The following SCN8A variants were observed in gnomAD, a reference collection of about 807,000 sequenced individuals.
SCN8A encodes sodium voltage-gated channel alpha subunit 8.
SCN8A carries 30 observed loss-of-function variants against 184.1 expected under a neutral mutation model. The observed-to-expected ratio is 0.16, with a 90% CI of 0.12 to 0.22. The LOEUF (loss-of-function observed/expected upper bound fraction) is 0.22, where lower values mean the gene tolerates loss of function less well. Ranked by LOEUF, SCN8A falls within the 10% of genes least tolerant of loss-of-function variation. SCN8A has a pLI of 1.00. For synonymous variants in SCN8A, 852 were observed against 907.0 expected (o/e 0.94, Z 1.09); for missense variants, 1,057 against 2,498.9 (o/e 0.42, Z 12.30).
chr12:51,690,786 A>G (rs1941493444), intron 6 of SCN8A, among the ~76,000 whole-genome samples: 1 of 152,220 alleles, frequency 6.6e-6, no homozygotes, highest in Admixed American at 6.5e-5. Context: ...AAGAAGGTAA[A>G]TTCATCTTCA....
intron 1 of SCN8A, among the ~76,000 whole-genome samples, chr12:51,602,841 T>G (rs964985638): frequency 1.4e-4 from 21 of 152,172 alleles, no homozygotes; most frequent in African/African-American, 5.1e-4. Context: ...TACAGCCAAA[T>G]AAACCACTAC....
chr12:51,712,476 T>C, intron 11 of SCN8A: 1 of 768,692 alleles, frequency 1.3e-6, no homozygotes, highest in South Asian at 1.3e-5. Flanking sequence ...AACCTTCTGC[T>C]ACTATATCCA....
intron 5 of SCN8A, 119 bp from the exon 6 acceptor site, chr12:51,688,886 A>G: frequency 6.4e-7 from 1 of 1,563,842 alleles, no homozygotes; most frequent in South Asian, 1.1e-5. Flanking sequence ...GTGTTGGGAT[A>G]GGGCCCTGAC....
intron 5 of SCN8A, chr12:51,688,719 G>A (rs1288082694): frequency 2.1e-6 from 3 of 1,446,382 alleles, no homozygotes; most frequent in Non-Finnish European, 2.9e-6. Context: ...CCCTCGCCCA[G>A]TGGTACCATT....
In SCN8A at chr12:51,628,076, G is replaced by A. The variant is rs144515542; in HGVS notation, c.-54-34688G>A. 3.3e-5 allele frequency among the ~76,000 whole-genome samples: 5 copies of A among 152,330 alleles called. No homozygotes were observed. The East Asian group carries it at 9.7e-4, about 29-fold the overall frequency. On this transcript the variant is annotated intron_variant, in intron 1 of 26. Transcript: ENST00000627620. Reference sequence around the variant, plus strand: ...TGGAGTTGATAAAAAGGACTTGATAGAAGGTTCAAGGGAGATCCTGACACA... The same window carrying A: ...TGGAGTTGATAAAAAGGACTTGATAAAAGGTTCAAGGGAGATCCTGACACA...
At chr12:51,734,359 G>A (rs987777131) in intron 12 of SCN8A, among the ~76,000 whole-genome samples, 2 of 152,170 alleles carry the variant, frequency 1.3e-5, no homozygotes, top group Non-Finnish European at 2.9e-5. Flanking sequence ...TTTATTAGTA[G>A]CAAACCAGTC....
At chr12:51,709,680 C>G (rs1417954982) in intron 11 of SCN8A, among the ~76,000 whole-genome samples, 3 of 151,808 alleles carry the variant, frequency 2.0e-5, no homozygotes, top group East Asian at 3.9e-4. Flanking sequence ...ATCCCAGCTT[C>G]TTTAAAGAGT....
intron 1 of SCN8A, among the ~76,000 whole-genome samples, chr12:51,617,750 G>A (rs1939872123): frequency 6.6e-6 from 1 of 152,146 alleles, no homozygotes; most frequent in African/African-American, 2.4e-5. Context: ...GTTTTAGCAG[G>A]CAATCCAGTT....
intron 14 of SCN8A, among the ~76,000 whole-genome samples, chr12:51,761,495 T>C (rs1942762071): frequency 6.6e-6 from 1 of 151,430 alleles, no homozygotes. Flanking sequence ...ATTTATTTAT[T>C]TGATAGGGCT....
At chr12:51,734,529 G>A (rs1944150962) in intron 12 of SCN8A, among the ~76,000 whole-genome samples, 1 of 152,254 alleles carries the variant, frequency 6.6e-6, no homozygotes, top group Non-Finnish European at 1.5e-5. Context: ...GCTTAAGAAT[G>A]CCTTTAAGCG....
In SCN8A at chr12:51,806,970, G is replaced by A; in HGVS notation, c.5484G>A (p.Glu1828=). The part of the protein sequence containing the change: ...PLRVPKPNTI[E]LIAMDLPMVS... The stretch of plus-strand genomic sequence containing the variant: ...GAGTGCCCAAGCCCAATACCATTGA[G>A]CTCATCGCTATGGATCTGCCAATGG... The change falls in exon 27 of 27, where the codon GAG becomes GAA. Residue 1828 remains glutamate (E), a synonymous_variant. Transcript: ENST00000627620. This position sits in a 1 kb window ranked among gnomAD's most constrained non-coding sequence, Gnocchi z 8.7. The A allele has an allele frequency of 6.2e-7, 1 of 1,614,020 alleles. No individual in the cohort carries two copies.
chr12:51,744,244 G>A (rs1942472432), intron 12 of SCN8A, among the ~76,000 whole-genome samples: 1 of 152,178 alleles, frequency 6.6e-6, no homozygotes, highest in Admixed American at 6.5e-5. Context: ...CAGAGGTTGC[G>A]GTAAGCCGAG....
chr12:51,622,881 G>A (rs1466147011), intron 1 of SCN8A, among the ~76,000 whole-genome samples: 1 of 151,990 alleles, frequency 6.6e-6, no homozygotes, highest in African/African-American at 2.4e-5. Context: ...CTACCTATTT[G>A]TTTATTTATT....
Position 51,807,637 on chromosome 12 carries a change from A to AT in SCN8A, c.*212dup, listed in dbSNP as rs1938750442. 1 of 605,212 alleles carries AT rather than the reference A, an allele frequency of 1.7e-6. No individual in the cohort carries two copies. Among genetic ancestry groups the AT allele is most frequent in the Non-Finnish European group, 2.9e-6 (1 of 345,324 alleles). The allele number at this position is 605,212 out of a possible 1,614,324, so 37.5% of individuals were successfully genotyped here. A position where few individuals can be genotyped will look rare whatever the true frequency, so the allele number is the denominator to read the frequency against. ...AGGACCCCGCTCCCTAGACTTACAG[A>AT]TTTTCTAATGCTTGGGCAGGTGGTT... On this transcript the variant is annotated 3_prime_UTR_variant, in exon 27 of 27. Coordinates refer to ENST00000627620, the MANE Select transcript of SCN8A (RefSeq NM_001330260.2). The surrounding 1 kb of genome is among the most constrained non-coding windows in gnomAD (Gnocchi z 4.5).
chr12:51,610,225 G>A (rs985497286), intron 1 of SCN8A, among the ~76,000 whole-genome samples: 2 of 149,652 alleles, frequency 1.3e-5, no homozygotes, highest in Admixed American at 6.6e-5. Flanking sequence ...CTTGGTGTCC[G>A]GTTGTATGAA....
intron 2 of SCN8A, 134 bp downstream of exon 2, chr12:51,663,227 G>A: frequency 9.3e-7 from 1 of 1,071,940 alleles, no homozygotes; most frequent in Non-Finnish European, 1.4e-6. Context: ...CTGGCTTGTG[G>A]GGATTATTTT....
At position 51,770,932 on chromosome 12, in the gene SCN8A, C is replaced by G. The variant is rs373706051; in HGVS notation, c.3645+249C>G. Among the ~76,000 whole-genome samples, 79 of 152,338 alleles carry G rather than the reference C, an allele frequency of 5.2e-4. 1 individual carries two copies. In the South Asian group the frequency reaches 9.5e-3, roughly 18 times the overall value. ...TCCCCACTGCCTGGTTTACCCCATC[C>G]TTAGCAGCCCCTAAAATGAACTTCC... On this transcript the variant is annotated intron_variant, in intron 19 of 26. Transcript: ENST00000627620.
At chr12:51,593,809 T>A (rs1939285676) in intron 1 of SCN8A, among the ~76,000 whole-genome samples, 1 of 152,224 alleles carries the variant, frequency 6.6e-6, no homozygotes, top group African/African-American at 2.4e-5. Context: ...CTCTTCATTT[T>A]GGCTGTCCCT....
chr12:51,762,723 C>T (rs757797433), intron 15 of SCN8A, 47 bp downstream of exon 15: 1 of 1,468,936 alleles, frequency 6.8e-7, no homozygotes. Context: ...TATCTTGCAG[C>T]TACTAGAAAG....
Sources: allele counts gnomAD v4.1 joint callset (sites outside exome capture counted in the v4.1 genomes callset), GRCh38; gene constraint gnomAD v4.1.1; non-coding constraint Gnocchi (gnomAD v3.1); transcripts MANE v1.5; gene names NCBI Gene and HGNC (gene_info 2026-07-23, HGNC 2026-07-21).